The following ASXL2 variants were observed in gnomAD, a reference collection of about 807,000 sequenced individuals.
ASXL2 encodes the protein ASXL transcriptional regulator 2.
In ASXL2, 23 loss-of-function variants were observed where a neutral mutation model predicts 122.0. The observed-to-expected ratio is 0.19, with a 90% CI of 0.14 to 0.27. The LOEUF (loss-of-function observed/expected upper bound fraction) is 0.27. Ranked by LOEUF, ASXL2 falls within the 10% of genes least tolerant of loss-of-function variation. The pLI is 1.00. For synonymous variants in ASXL2, 650 were observed against 637.0 expected, an observed-to-expected ratio of 1.02 and a Z score of -0.31; for missense variants, 1,518 against 1,713.8, an observed-to-expected ratio of 0.89 and a Z score of 2.02.
intron 1 of ASXL2, among the ~76,000 whole-genome samples, chr2:25,873,749 A>AT (rs796848014): frequency 2.4e-3 from 345 of 146,268 alleles, no homozygotes; most frequent in African/African-American, 6.7e-3. Context: ...TGTTTCTCAT[A>AT]TTTTTTTTTT....
In ASXL2 at chr2:25,743,579, A is replaced by G; in HGVS notation, c.2758T>C (p.Leu920=). Residue 920 remains leucine, a synonymous_variant, in exon 13 of 13, where the codon TTG becomes CTG. Transcript: ENST00000435504. The part of the protein sequence containing the change: ...PAGSAPPSST[L]PAASSLKTPG... ...GTTTTAAGGCTAGAAGCTGCTGGCA[A>G]AGTGCTCGAGGGTGGAGCTGATCCA... is the stretch of plus-strand genomic sequence containing the variant. 6.2e-7 allele frequency: 1 copy of G among 1,614,008 alleles called. No homozygotes were observed.
intron 5 of ASXL2, among the ~76,000 whole-genome samples, chr2:25,790,422 A>T (rs910231848): frequency 6.7e-6 from 1 of 149,808 alleles, no homozygotes; most frequent in Non-Finnish European, 1.5e-5. Flanking sequence ...GACCTTGGTT[A>T]AAAAAAAACA....
chr2:25,873,316 C>T (rs1046182943), intron 1 of ASXL2, among the ~76,000 whole-genome samples: 16 of 152,192 alleles, frequency 1.1e-4, no homozygotes, highest in Admixed American at 7.9e-4. Flanking sequence ...AAGGCTGAGG[C>T]GGAAGAATCA....
At position 25,878,461 on chromosome 2, in the gene ASXL2, C is replaced by G; in HGVS notation, c.-239G>C. 1.8e-6 allele frequency: 1 copy of G among 541,976 alleles called. No homozygotes were observed. Among genetic ancestry groups the G allele is most frequent in the South Asian group, 2.2e-5 (1 of 44,494 alleles). The allele number at this position is 541,976 out of a possible 1,614,324, so 33.6% of individuals were successfully genotyped here. On this transcript the variant is annotated 5_prime_UTR_variant, in exon 1 of 13. Coordinates refer to ENST00000435504, the MANE Select transcript of ASXL2 (RefSeq NM_018263.6). ...CCGCCGCTGCCATATTGGGTTCTTA[C>G]TGTACAGGCTGCCGCTACGGTCATG... is the stretch of plus-strand genomic sequence containing the variant.
At chr2:25,773,216 A>G (rs2088485980) in intron 5 of ASXL2, among the ~76,000 whole-genome samples, 1 of 151,978 alleles carries the variant, frequency 6.6e-6, no homozygotes, top group African/African-American at 2.4e-5. Context: ...TCAAAAAAAA[A>G]AAAAGATGCT....
intron 4 of ASXL2, among the ~76,000 whole-genome samples, chr2:25,805,730 C>T (rs1169682485): frequency 6.6e-6 from 1 of 151,912 alleles, no homozygotes; most frequent in East Asian, 1.9e-4. Context: ...GGCTGGAGTG[C>T]GGTGGCGTGA....
At chr2:25,815,106 C>G (rs1559519139) in intron 3 of ASXL2, among the ~76,000 whole-genome samples, 1 of 152,132 alleles carries the variant, frequency 6.6e-6, no homozygotes, top group Non-Finnish European at 1.5e-5. Context: ...TGATAGGAAT[C>G]TCACCCTCAC....
chr2:25,742,317 G>T lies in ASXL2; in HGVS notation c.4020C>A (p.Asp1340Glu). ...MINVSTSSDM[D>E]HNSAVPGSQV... ...GGCTACCTGGTACAGCAGAGTTATG[G>T]TCCATGTCAGATGAGGTGGAGACAT... The change falls in exon 13 of 13, where the codon GAC (aspartate) becomes GAA (glutamate). Residue 1340 changes from aspartate to glutamate, a missense_variant. This residue lies in a region of ASXL2 where 831 missense variants were observed against 833.1 expected (regional missense o/e 1.00). Transcript: ENST00000435504. 1 of 1,613,328 alleles carries T rather than the reference G, an allele frequency of 6.2e-7. No individual in the cohort carries two copies. The highest frequency in any genetic ancestry group is 2.2e-5 in the East Asian group (1 of 44,826).
chr2:25,794,498 T>C (rs2088883812), intron 5 of ASXL2, among the ~76,000 whole-genome samples: 1 of 152,336 alleles, frequency 6.6e-6, no homozygotes, highest in East Asian at 1.9e-4. Flanking sequence ...ATAAAACTCT[T>C]CTCTGAACAT....
intron 2 of ASXL2, among the ~76,000 whole-genome samples, chr2:25,842,715 G>GAT (rs2089599830): frequency 6.6e-6 from 1 of 150,824 alleles, no homozygotes; most frequent in Non-Finnish European, 1.5e-5. Context: ...TAGATAGATA[G>GAT]ATAGATAGAT....
intron 9 of ASXL2, among the ~76,000 whole-genome samples, chr2:25,758,008 C>T (rs2088170387): frequency 6.6e-6 from 1 of 151,416 alleles, no homozygotes; most frequent in Non-Finnish European, 1.5e-5. Context: ...CTTGTTCTAA[C>T]CAAGAACTGG....
chr2:25,793,656 G>A (rs1456521447), intron 5 of ASXL2, among the ~76,000 whole-genome samples: 2 of 152,184 alleles, frequency 1.3e-5, no homozygotes, highest in African/African-American at 2.4e-5. Context: ...CGAAGTTTCC[G>A]AAATGATTTT....
At chr2:25,872,892 T>C (rs1157704472) in intron 1 of ASXL2, among the ~76,000 whole-genome samples, 3 of 152,160 alleles carry the variant, frequency 2.0e-5, no homozygotes, top group Non-Finnish European at 4.4e-5. Flanking sequence ...ATTTTTTTTT[T>C]CCCAGAAGTC....
At chr2:25,805,112 G>A (rs1043640087) in intron 4 of ASXL2, among the ~76,000 whole-genome samples, 3 of 152,158 alleles carry the variant, frequency 2.0e-5, no homozygotes, top group Admixed American at 6.5e-5. Flanking sequence ...TATGGGCTTG[G>A]GAATTCAGTC....
At chr2:25,767,756 G>A in intron 7 of ASXL2, 30 bp from the exon 8 acceptor site, 8 of 1,610,980 alleles carry the variant, frequency 5.0e-6, no homozygotes, top group Non-Finnish European at 6.8e-6. Flanking sequence ...ATAAAGACTG[G>A]TAGCACTGAG....
At chr2:25,864,644 G>A (rs1378717062) in intron 1 of ASXL2, among the ~76,000 whole-genome samples, 1 of 151,806 alleles carries the variant, frequency 6.6e-6, no homozygotes, top group African/African-American at 2.4e-5. Flanking sequence ...AGTCAAAGTA[G>A]TATATCTCAA....
At chr2:25,820,200 C>T (rs1179179801) in intron 3 of ASXL2, among the ~76,000 whole-genome samples, 1 of 152,120 alleles carries the variant, frequency 6.6e-6, no homozygotes, top group Non-Finnish European at 1.5e-5. Flanking sequence ...TAGGTGTGAA[C>T]CACTGCATCA....
chr2:25,803,624 G>A (rs1185688275), intron 4 of ASXL2, among the ~76,000 whole-genome samples: 1 of 152,158 alleles, frequency 6.6e-6, no homozygotes, highest in East Asian at 1.9e-4. Flanking sequence ...TCAGGGAGTG[G>A]GATGGTTTCA....
intron 3 of ASXL2, among the ~76,000 whole-genome samples, chr2:25,832,774 T>C (rs1467248462): frequency 6.6e-6 from 1 of 152,196 alleles, no homozygotes; most frequent in Non-Finnish European, 1.5e-5. Context: ...AGCCAAAGCC[T>C]GGAAACAATT....
Sources: allele counts gnomAD v4.1 joint callset (sites outside exome capture counted in the v4.1 genomes callset), GRCh38; gene constraint gnomAD v4.1.1; regional missense constraint gnomAD v4.1.1; transcripts MANE v1.5; gene names NCBI Gene and HGNC (gene_info 2026-07-23, HGNC 2026-07-21).